Variants in BCAS3 observed in about 807,000 individuals in gnomAD.
The protein encoded by BCAS3 is BCAS3 microtubule associated cell migration factor, also known as BCAS4/BCAS3 fusion.
A neutral mutation model predicts 116.1 loss-of-function variants in BCAS3; 53 were observed. The ratio of observed to expected loss-of-function variants is 0.46; its 90% confidence interval spans 0.37 to 0.57. The LOEUF (loss-of-function observed/expected upper bound fraction) is 0.57. BCAS3 is among the 20% of genes least tolerant of loss of function. The probability of loss-of-function intolerance (pLI) is 0.00; values close to 1 mark genes in which losing one functional copy is unlikely to be tolerated. For synonymous variants in BCAS3, 391 were observed against 408.2 expected, an observed-to-expected ratio of 0.96 and a Z score of 0.51; for missense variants, 917 against 1,165.4, an observed-to-expected ratio of 0.79 and a Z score of 3.10.
intron 7 of BCAS3, among the ~76,000 whole-genome samples, chr17:60,859,479 G>T (rs1311862472): frequency 6.6e-6 from 1 of 152,032 alleles, no homozygotes; most frequent in Non-Finnish European, 1.5e-5. Context: ...ATTCGCTTAG[G>T]ATAATGGCCT....
chr17:60,734,031 TC>T, intron 5 of BCAS3, among the ~76,000 whole-genome samples: 1 of 152,364 alleles, frequency 6.6e-6, no homozygotes, highest in African/African-American at 2.4e-5. Flanking sequence ...CTTATTTTTT[TC>T]TTACATGGAT....
At chr17:61,292,600 C>T (rs71373875) in intron 22 of BCAS3, among the ~76,000 whole-genome samples, 21,014 of 151,912 alleles carry the variant, frequency 0.14, 1,945 homozygotes, top group African/African-American at 0.26. Context: ...TGCAGTGAGC[C>T]GAGATCACGC....
chr17:61,264,686 G>A (rs946071016), intron 22 of BCAS3, among the ~76,000 whole-genome samples: 3 of 152,184 alleles, frequency 2.0e-5, no homozygotes, highest in South Asian at 2.1e-4. Flanking sequence ...GGGATTACAG[G>A]TGTGAGCCAC....
chr17:60,956,713 A>G lies in BCAS3; in HGVS notation c.1221+9361A>G, dbSNP rs888954184. Among the ~76,000 whole-genome samples the G allele has an allele frequency of 4.6e-5, 7 of 152,192 alleles. No homozygotes were observed. The highest frequency in any genetic ancestry group is 7.2e-5 in the African/African-American group (3 of 41,446). ...AAGTCAAATAGAAATTATTTAAATGATTATGCTCTAGAACACACTCTGTAT... is the reference window on the plus strand; with the variant it reads ...AAGTCAAATAGAAATTATTTAAATGGTTATGCTCTAGAACACACTCTGTAT... On this transcript the variant is annotated intron_variant, in intron 14 of 23. Coordinates refer to ENST00000407086, the MANE Select transcript of BCAS3 (RefSeq NM_017679.5). The surrounding 1 kb of genome is among the most constrained non-coding windows in gnomAD (Gnocchi z 4.2).
intron 7 of BCAS3, among the ~76,000 whole-genome samples, chr17:60,824,619 C>T (rs529314261): frequency 5.9e-5 from 9 of 152,284 alleles, no homozygotes; most frequent in Middle Eastern, 3.4e-3. Flanking sequence ...CCAATAGATC[C>T]ATTCCATTCT....
intron 22 of BCAS3, among the ~76,000 whole-genome samples, chr17:61,277,821 A>G (rs1223272013): frequency 6.6e-6 from 1 of 152,216 alleles, no homozygotes; most frequent in Non-Finnish European, 1.5e-5. Flanking sequence ...TAGGATGACT[A>G]TGATCAAAAA....
At chr17:61,375,246 G>GTGTGTGTGCGCGCGCGCACA (rs1555861732) in intron 23 of BCAS3, among the ~76,000 whole-genome samples, 419 of 150,780 alleles carry the variant, frequency 2.8e-3, no homozygotes, top group African/African-American at 4.3e-3. Context: ...GTGTGTGTGT[G>GTGTGTGTGCGCGCGCGCACA]TGTGTGTGTA....
intron 22 of BCAS3, among the ~76,000 whole-genome samples, chr17:61,170,594 T>C (rs2078789338): frequency 6.6e-6 from 1 of 152,132 alleles, no homozygotes; most frequent in Non-Finnish European, 1.5e-5. Context: ...GCCTGGCCGA[T>C]ACGATGTAAT....
chr17:60,842,071 GTATGT>G (rs1325607761), intron 7 of BCAS3, among the ~76,000 whole-genome samples: 2 of 152,162 alleles, frequency 1.3e-5, no homozygotes, highest in African/African-American at 2.4e-5. Flanking sequence ...TCGTTTTTAG[GTATGT>G]TATACTTCTG....
chr17:60,804,050 G>A (rs1424652286), intron 6 of BCAS3, among the ~76,000 whole-genome samples: 3 of 150,512 alleles, frequency 2.0e-5, no homozygotes, highest in Middle Eastern at 3.2e-3. Context: ...TGATCTGCCC[G>A]CCACGGCCTC....
Position 60,961,421 on chromosome 17 carries a change from C to T in BCAS3, c.1221+14069C>T, listed in dbSNP as rs935983637. ...AACTGTCATGCAGGAGCTGCTGCTTCAATCTATAGGATCACAATAGTCACA... is the reference window on the plus strand; with the variant it reads ...AACTGTCATGCAGGAGCTGCTGCTTTAATCTATAGGATCACAATAGTCACA... On this transcript the variant is annotated intron_variant, in intron 14 of 23. Coordinates refer to ENST00000407086, the MANE Select transcript of BCAS3 (RefSeq NM_017679.5). This position sits in a 1 kb window ranked among gnomAD's most constrained non-coding sequence, Gnocchi z 4.8. Among the ~76,000 whole-genome samples, 1 of 152,114 alleles carries T rather than the reference C, an allele frequency of 6.6e-6. No homozygotes were observed. Among genetic ancestry groups the T allele is most frequent in the Non-Finnish European group, 1.5e-5 (1 of 68,024 alleles).
intron 13 of BCAS3, among the ~76,000 whole-genome samples, chr17:60,925,678 C>T (rs952066196): frequency 2.6e-5 from 4 of 152,112 alleles, no homozygotes; most frequent in Non-Finnish European, 5.9e-5. Flanking sequence ...CAGCCTTTCT[C>T]CTGTATATCA....
At chr17:60,719,022 A>G (rs2038952008) in intron 5 of BCAS3, among the ~76,000 whole-genome samples, 2 of 152,200 alleles carry the variant, frequency 1.3e-5, no homozygotes, top group African/African-American at 4.8e-5. Context: ...AGATCGCGCC[A>G]TTGCACTCCA....
intron 7 of BCAS3, among the ~76,000 whole-genome samples, chr17:60,815,412 G>A (rs902121932): frequency 4.0e-5 from 6 of 151,740 alleles, no homozygotes; most frequent in African/African-American, 1.5e-4. Flanking sequence ...CCTGCACGTT[G>A]TGCACATGTA....
At chr17:61,331,479 G>C (rs1602742300) in intron 22 of BCAS3, among the ~76,000 whole-genome samples, 2 of 152,016 alleles carry the variant, frequency 1.3e-5, no homozygotes, top group Non-Finnish European at 2.9e-5. Flanking sequence ...CCCAGAACTA[G>C]TTCAAAACTT....
rs1010692104 is a variant in BCAS3, at chr17:61,309,510, C to T, written c.2426-58817C>T. On this transcript the variant is annotated intron_variant, in intron 22 of 23. Transcript: ENST00000407086. This position sits in a 1 kb window ranked among gnomAD's most constrained non-coding sequence, Gnocchi z 4.6. The stretch of plus-strand genomic sequence containing the variant: ...GGGTCCCGGCAATGCGGCCCTGACC[C>T]TTCCCTGCCTCACTTGCCCTCTACT... Among the ~76,000 whole-genome samples the T allele has an allele frequency of 2.0e-5, 3 of 152,142 alleles. No individual in the cohort carries two copies. The highest frequency in any genetic ancestry group is 7.2e-5 in the African/African-American group (3 of 41,434).
intron 22 of BCAS3, among the ~76,000 whole-genome samples, chr17:61,290,788 ATTT>A (rs920699387): frequency 1.3e-5 from 2 of 148,986 alleles, no homozygotes; most frequent in Non-Finnish European, 3.0e-5. Flanking sequence ...TTTAGTTTGC[ATTT>A]TTTTTTTGAG....
intron 22 of BCAS3, among the ~76,000 whole-genome samples, chr17:61,115,910 C>T (rs2075402571): frequency 6.6e-6 from 1 of 151,706 alleles, no homozygotes; most frequent in South Asian, 2.1e-4. Flanking sequence ...ACTATGCAGC[C>T]ATAACAAATG....
At chr17:60,889,290 A>G (rs2144997806) in intron 9 of BCAS3, among the ~76,000 whole-genome samples, 1 of 152,202 alleles carries the variant, frequency 6.6e-6, no homozygotes, top group South Asian at 2.1e-4. Flanking sequence ...TGATAGTCTC[A>G]TTTATCTTTT....
Sources: gnomAD v4.1 joint callset for allele counts (sites outside exome capture counted in the v4.1 genomes callset) on GRCh38, gnomAD v4.1.1 for gene constraint, Gnocchi (gnomAD v3.1) non-coding constraint, MANE v1.5 for transcripts, NCBI Gene and HGNC (gene_info 2026-07-23, HGNC 2026-07-21) for gene names.